Variants in PDGFRL observed in about 807,000 individuals in gnomAD.
PDGFRL encodes platelet derived growth factor receptor like.
Under a neutral mutation model 37.2 loss-of-function variants are expected in PDGFRL, and 46 were observed. The ratio of observed to expected loss-of-function variants is 1.24; its 90% CI spans 0.98 to 1.58. PDGFRL has a LOEUF of 1.58. Among genes scored for constraint, PDGFRL ranks in the 40% most tolerant of loss-of-function variants. The pLI, the probability that PDGFRL is intolerant of heterozygous loss-of-function variation, is 0.00. For missense variants in PDGFRL, 692 were observed against 467.6 expected (o/e 1.48, Z -4.43); for synonymous variants, 251 against 184.3 (o/e 1.36, Z -2.93).
intron 1 of PDGFRL, among the ~76,000 whole-genome samples, chr8:17,581,663 T>C (rs907564365): frequency 6.6e-6 from 1 of 152,010 alleles, no homozygotes; most frequent in Non-Finnish European, 1.5e-5. Flanking sequence ...GAGAGTCTGG[T>C]CCCTCCTCCT....
chr8:17,629,154 T>A (rs1211886903), intron 4 of PDGFRL, among the ~76,000 whole-genome samples: 1 of 147,636 alleles, frequency 6.8e-6, no homozygotes, highest in East Asian at 2.0e-4. Context: ...GGTCTCGACC[T>A]CCTGGGCTTA....
intron 4 of PDGFRL, among the ~76,000 whole-genome samples, chr8:17,633,830 C>G (rs1804910000): frequency 6.6e-6 from 1 of 152,156 alleles, no homozygotes; most frequent in Non-Finnish European, 1.5e-5. Context: ...CTCTCCTAAT[C>G]ACAGTCTTGG....
At chr8:17,587,364 T>G (rs1195489358) in intron 1 of PDGFRL, among the ~76,000 whole-genome samples, 1 of 152,196 alleles carries the variant, frequency 6.6e-6, no homozygotes, top group Non-Finnish European at 1.5e-5. Context: ...TAGCTCTGTT[T>G]GTCTAAATTC....
intron 1 of PDGFRL, among the ~76,000 whole-genome samples, chr8:17,588,180 T>C (rs1423613713): frequency 6.6e-6 from 1 of 152,152 alleles, no homozygotes; most frequent in Non-Finnish European, 1.5e-5. Flanking sequence ...AAATACTCCT[T>C]CCCCAGAGAC....
At chr8:17,591,362 G>T (rs909314673) in intron 2 of PDGFRL, among the ~76,000 whole-genome samples, 5 of 152,160 alleles carry the variant, frequency 3.3e-5, no homozygotes, top group Non-Finnish European at 7.3e-5. Flanking sequence ...AGAAACACGT[G>T]CTTCCTGGGG....
chr8:17,604,450 C>A (rs1371746991), intron 2 of PDGFRL, among the ~76,000 whole-genome samples: 1 of 152,078 alleles, frequency 6.6e-6, no homozygotes, highest in Non-Finnish European at 1.5e-5. Context: ...ATGGATGAAG[C>A]TGGAAACCAT....
At chr8:17,637,163 G>T (rs1439634902) in intron 5 of PDGFRL, among the ~76,000 whole-genome samples, 3 of 152,108 alleles carry the variant, frequency 2.0e-5, no homozygotes, top group African/African-American at 7.2e-5. Flanking sequence ...GAATGCAAGT[G>T]GGCATCCTTG....
intron 1 of PDGFRL, 144 bp downstream of exon 1, chr8:17,577,451 C>T (rs73666188): frequency 8.5e-6 from 6 of 708,948 alleles, no homozygotes; most frequent in Non-Finnish European, 1.5e-5. Context: ...GCCCGGTGCA[C>T]CTGCCCCCTC....
chr8:17,639,343 TATTTATTG>T (rs1805044890), intron 5 of PDGFRL, among the ~76,000 whole-genome samples: 1 of 152,156 alleles, frequency 6.6e-6, no homozygotes, highest in South Asian at 2.1e-4. Context: ...TTTATTTATT[TATTTATTG>T]TGTTTTTGTT....
At chr8:17,624,990 TTTATTTATTA>T (rs1372202090) in intron 3 of PDGFRL, among the ~76,000 whole-genome samples, 1 of 106,470 alleles carries the variant, frequency 9.4e-6, no homozygotes, top group Non-Finnish European at 2.4e-5. Flanking sequence ...TATTTTTATT[TTTATTTATTA>T]TTATTATACT....
upstream of PDGFRL, chr8:17,577,171 C>G: frequency 1.9e-6 from 3 of 1,551,022 alleles, no homozygotes; most frequent in Non-Finnish European, 2.6e-6. Flanking sequence ...CCCAGGAGCC[C>G]GCCCCTCGCC....
intron 2 of PDGFRL, among the ~76,000 whole-genome samples, chr8:17,619,540 A>G (rs1804591186): frequency 1.3e-5 from 2 of 152,252 alleles, no homozygotes; most frequent in African/African-American, 4.8e-5. Flanking sequence ...ATACTTTATT[A>G]GAAGTGGGCT....
intron 2 of PDGFRL, among the ~76,000 whole-genome samples, chr8:17,611,307 A>G (rs1310176028): frequency 6.6e-6 from 1 of 152,244 alleles, no homozygotes; most frequent in Non-Finnish European, 1.5e-5. Flanking sequence ...ACTCTTAGAT[A>G]AGTTATTCAA....
rs1804788555 is a variant in PDGFRL at position 17,628,698 on chromosome 8, G to T, written c.717G>T (p.Glu239Asp). Residue 239 changes from glutamate to aspartate, a missense_variant, in exon 4 of 6, where the codon GAG (glutamate) becomes GAT (aspartate). Transcript: ENST00000251630. ...RGFVYLQPHS[E>D]HQGVVYCRAE... ...TTGTGTATCTGCAACCTCATTCCGA[G>T]CACCAGGGTGTGGTTTACTGCAGGG... The T allele has an allele frequency of 6.2e-7, 1 of 1,613,862 alleles. No homozygotes were observed. The highest frequency in any genetic ancestry group is 8.5e-7 in the Non-Finnish European group (1 of 1,179,840).
chr8:17,577,221 G>A lies in PDGFRL; in HGVS notation c.-32G>A. ...CGTCCCCGCCCCGCGCAGCCGCCGC[G>A]CTCCTGCGCTCCGAGGTCCGAGGTT... On this transcript the variant is annotated 5_prime_UTR_variant, in exon 1 of 6. Coordinates refer to ENST00000251630, the MANE Select transcript of PDGFRL (RefSeq NM_001372073.1). 6.2e-7 allele frequency: 1 copy of A among 1,605,600 alleles called. No individual in the cohort carries two copies.
At chr8:17,608,247 A>G (rs1044074829) in intron 2 of PDGFRL, among the ~76,000 whole-genome samples, 4 of 152,186 alleles carry the variant, frequency 2.6e-5, no homozygotes, top group Non-Finnish European at 4.4e-5. Context: ...CCCACTGCCT[A>G]GATCCCAGAT....
intron 2 of PDGFRL, 69 bp from the exon 3 acceptor site, chr8:17,620,982 C>A: frequency 8.4e-7 from 1 of 1,183,714 alleles, no homozygotes; most frequent in Non-Finnish European, 1.2e-6. Context: ...ACAGTGGAGC[C>A]GAGTGTGACA....
At chr8:17,622,793 C>T (rs1205550580) in intron 3 of PDGFRL, among the ~76,000 whole-genome samples, 2 of 152,192 alleles carry the variant, frequency 1.3e-5, no homozygotes, top group Non-Finnish European at 2.9e-5. Context: ...TATGTTCCCT[C>T]GGTAGGGCTG....
At position 17,614,546 on chromosome 8, in the gene PDGFRL, T is replaced by A. The variant is rs75022959; in HGVS notation, c.354-6505T>A. ...GGTAGAGGCCTAACAGTTTTTCACA[T>A]GAATGTAGAATAAGGAGGATATTTA... On this transcript the variant is annotated intron_variant, in intron 2 of 5. Transcript: ENST00000251630. Among the ~76,000 whole-genome samples the A allele has an allele frequency of 5.9e-5, 9 of 152,306 alleles. No homozygotes were observed. The East Asian group carries it at 1.7e-3, about 29-fold the overall frequency.
Sources: allele counts gnomAD v4.1 joint callset (sites outside exome capture counted in the v4.1 genomes callset), GRCh38; gene constraint gnomAD v4.1.1; transcripts MANE v1.5; gene names NCBI Gene and HGNC (gene_info 2026-07-23, HGNC 2026-07-21).